SHANK2: variants seen among roughly 807,000 people sequenced by gnomAD.
The protein encoded by SHANK2 is SH3 and multiple ankyrin repeat domains 2.
A neutral mutation model predicts 133.7 loss-of-function variants in SHANK2; 43 were observed. The observed-to-expected ratio is 0.32, with a 90% confidence interval of 0.25 to 0.41. SHANK2 has a LOEUF of 0.41. SHANK2 is among the 10% of genes least tolerant of loss of function. The pLI is 1.00. For synonymous variants in SHANK2, 1,017 were observed against 952.8 expected, an observed-to-expected ratio of 1.07 and a Z score of -1.24; for missense variants, 1,994 against 2,235.8, an observed-to-expected ratio of 0.89 and a Z score of 2.18.
At chr11:70,505,711 G>C (rs1417246747) in intron 17 of SHANK2, among the ~76,000 whole-genome samples, 1 of 152,152 alleles carries the variant, frequency 6.6e-6, no homozygotes, top group Non-Finnish European at 1.5e-5. Flanking sequence ...AGACTGGCAC[G>C]GGGATGGGCT....
chr11:70,742,817 G>A (rs1186924902), intron 14 of SHANK2, among the ~76,000 whole-genome samples: 1 of 152,216 alleles, frequency 6.6e-6, no homozygotes, highest in Non-Finnish European at 1.5e-5. Context: ...CTGGGGGCGG[G>A]GGCTGGAGTC....
chr11:71,101,672 C>T (rs915250804), intron 6 of SHANK2, among the ~76,000 whole-genome samples: 3 of 152,220 alleles, frequency 2.0e-5, no homozygotes, highest in East Asian at 1.9e-4. Context: ...CGTGAGACTG[C>T]GGAGCATGAA....
intron 13 of SHANK2, among the ~76,000 whole-genome samples, chr11:70,805,916 G>C (rs937737230): frequency 2.6e-5 from 4 of 152,236 alleles, no homozygotes; most frequent in African/African-American, 9.6e-5. Flanking sequence ...TAGAGCTCCA[G>C]GGACTTGTTT....
intron 9 of SHANK2, among the ~76,000 whole-genome samples, chr11:71,058,417 G>A (rs993312836): frequency 8.5e-5 from 13 of 152,140 alleles, no homozygotes; most frequent in African/African-American, 2.4e-4. Flanking sequence ...GGACTGCAGC[G>A]GCAAATAACT....
intron 14 of SHANK2, among the ~76,000 whole-genome samples, chr11:70,713,701 G>A (rs921940553): frequency 1.3e-5 from 2 of 152,254 alleles, no homozygotes; most frequent in East Asian, 1.9e-4. Flanking sequence ...CCGGGTGTCC[G>A]TCACAGCGCC....
At chr11:71,251,781 C>A (rs1948186594) in intron 1 of SHANK2, among the ~76,000 whole-genome samples, 2 of 151,048 alleles carry the variant, frequency 1.3e-5, no homozygotes, top group Non-Finnish European at 3.0e-5. Flanking sequence ...ACCCCCGGGC[C>A]CGCACCAGGC....
intron 3 of SHANK2, among the ~76,000 whole-genome samples, chr11:71,146,453 C>A (rs782287594): frequency 1.4e-4 from 22 of 152,238 alleles, no homozygotes; most frequent in Non-Finnish European, 2.6e-4. Context: ...AGCCCCAGTT[C>A]CCAGGGGCCA....
intron 17 of SHANK2, among the ~76,000 whole-genome samples, chr11:70,571,804 C>T (rs1475027490): frequency 2.6e-5 from 4 of 151,856 alleles, no homozygotes; most frequent in African/African-American, 9.7e-5. Flanking sequence ...ATCAGGGGGC[C>T]CCAAGGAGGA....
chr11:70,846,700 G>A (rs1949002779), intron 11 of SHANK2, among the ~76,000 whole-genome samples: 1 of 152,172 alleles, frequency 6.6e-6, no homozygotes, highest in South Asian at 2.1e-4. Flanking sequence ...TCATCCCCAT[G>A]ACACAGATAG....
chr11:70,555,739 C>T (rs2059820842), intron 17 of SHANK2, among the ~76,000 whole-genome samples: 1 of 152,014 alleles, frequency 6.6e-6, no homozygotes, highest in Admixed American at 6.6e-5. Context: ...AGAACAACAA[C>T]AACAAAAAAG....
intron 17 of SHANK2, among the ~76,000 whole-genome samples, chr11:70,645,741 G>T (rs1555007996): frequency 6.6e-6 from 1 of 152,074 alleles, no homozygotes; most frequent in Non-Finnish European, 1.5e-5. Context: ...CAGCAGACTG[G>T]GGAGCTGGGG....
At chr11:71,081,691 G>T (rs1189774404) in intron 8 of SHANK2, among the ~76,000 whole-genome samples, 1 of 152,196 alleles carries the variant, frequency 6.6e-6, no homozygotes, top group Non-Finnish European at 1.5e-5. Flanking sequence ...CAGAGAGAGA[G>T]GATGCCTCTC....
At chr11:70,658,677 G>T (rs2061442452) in intron 17 of SHANK2, among the ~76,000 whole-genome samples, 1 of 152,194 alleles carries the variant, frequency 6.6e-6, no homozygotes, top group Non-Finnish European at 1.5e-5. Context: ...GGATCTCTAA[G>T]GAGATCACTA....
chr11:70,756,033 G>A (rs1555038828), intron 14 of SHANK2, among the ~76,000 whole-genome samples: 1 of 152,144 alleles, frequency 6.6e-6, no homozygotes, highest in Non-Finnish European at 1.5e-5. Flanking sequence ...AAAGGCCTCT[G>A]TGATCTTGCG....
intron 14 of SHANK2, among the ~76,000 whole-genome samples, chr11:70,719,706 A>G (rs1295509300): frequency 2.0e-5 from 3 of 151,764 alleles, no homozygotes; most frequent in African/African-American, 7.3e-5. Flanking sequence ...GAAGCTGCGG[A>G]GACAGGAGGT....
intron 12 of SHANK2, among the ~76,000 whole-genome samples, chr11:70,811,600 C>T (rs782271183): frequency 2.0e-5 from 3 of 150,156 alleles, no homozygotes; most frequent in Non-Finnish European, 3.0e-5. Context: ...TCCACCCATC[C>T]ATCCACTCAT....
intron 14 of SHANK2, among the ~76,000 whole-genome samples, chr11:70,755,199 G>C (rs1483381084): frequency 6.6e-6 from 1 of 151,912 alleles, no homozygotes; most frequent in Non-Finnish European, 1.5e-5. Flanking sequence ...GGCCTCCCAA[G>C]TAACTGGGAT....
intron 11 of SHANK2, among the ~76,000 whole-genome samples, chr11:70,852,137 G>A (rs1949095708): frequency 6.6e-6 from 1 of 152,194 alleles, no homozygotes; most frequent in Non-Finnish European, 1.5e-5. Context: ...CTGCAGAGGC[G>A]AGAGAGAGCT....
intron 3 of SHANK2, among the ~76,000 whole-genome samples, chr11:71,129,055 T>G (rs531645543): frequency 6.6e-6 from 1 of 152,356 alleles, no homozygotes; most frequent in East Asian, 1.9e-4. Context: ...AGTGCTGGGA[T>G]TATAGGCATG....
Sources: allele counts gnomAD v4.1 joint callset (sites outside exome capture counted in the v4.1 genomes callset), GRCh38; gene constraint gnomAD v4.1.1; transcripts MANE v1.5; gene names NCBI Gene and HGNC (gene_info 2026-07-23, HGNC 2026-07-21).